FAP: variants seen among roughly 807,000 people sequenced by gnomAD.
FAP encodes fibroblast activation protein alpha.
FAP carries 110 observed loss-of-function variants against 126.5 expected under a neutral mutation model. The observed-to-expected ratio is 0.87, with a 90% CI of 0.74 to 1.02. The LOEUF (loss-of-function observed/expected upper bound fraction) is 1.02, where lower values mean the gene tolerates loss of function less well. FAP is among the 50% of genes least tolerant of loss of function. The probability of loss-of-function intolerance (pLI) is 0.00; values close to 1 mark genes in which losing one functional copy is unlikely to be tolerated. For synonymous variants in FAP, 334 were observed against 297.3 expected (o/e 1.12, Z -1.27); for missense variants, 919 against 909.2 (o/e 1.01, Z -0.14).
intron 2 of FAP, among the ~76,000 whole-genome samples, chr2:162,235,343 G>C (rs1455433516): frequency 6.6e-6 from 1 of 152,242 alleles, no homozygotes; most frequent in Non-Finnish European, 1.5e-5. Context: ...TGCGGCTCCG[G>C]TGCGAGATCC....
intron 20 of FAP, among the ~76,000 whole-genome samples, chr2:162,185,470 T>A (rs1009937932): frequency 7.2e-5 from 11 of 151,816 alleles, no homozygotes; most frequent in African/African-American, 2.7e-4. Context: ...GTTTTAAGGG[T>A]CTCACATATG....
rs2106232558 is a variant in FAP at position 162,193,256 on chromosome 2, A to G, written c.1450+1445T>C. ...ATAACTTAAGACGTACCACATTAAA[A>G]TCTTTGGGGAAGTCCTGGGAATCCG... On this transcript the variant is annotated intron_variant, in intron 17 of 25. Transcript: ENST00000188790. 1.3e-5 allele frequency among the ~76,000 whole-genome samples: 2 copies of G among 152,326 alleles called. 1 individual carries two copies. Among genetic ancestry groups the G allele is most frequent in the South Asian group, 4.1e-4 (2 of 4,834 alleles).
chr2:162,219,930 A>G lies in FAP; in HGVS notation c.414-5T>C. 6.2e-7 allele frequency: 1 copy of G among 1,602,166 alleles called. No homozygotes were observed. Among genetic ancestry groups the G allele is most frequent in the Non-Finnish European group, 8.5e-7 (1 of 1,170,024 alleles). On this transcript the variant is annotated splice_region_variant and splice_polypyrimidine_tract_variant and intron_variant, in intron 6 of 25. Coordinates refer to ENST00000188790, the MANE Select transcript of FAP (RefSeq NM_004460.5). ...TCATTTCCTCTTACAAATTCTCTAG[A>G]AGGAAAGAAAGAAAGAAAAACAACA...
rs1687994431 is a variant in FAP, at chr2:162,190,361, T to C, written c.1451-607A>G. The stretch of plus-strand genomic sequence containing the variant: ...CAGATCCTTTCTCTCAAGGTAGTGA[T>C]ATATCTGAGTAAGACAACAATATAT... On this transcript the variant is annotated intron_variant, in intron 17 of 25. Coordinates refer to ENST00000188790, the MANE Select transcript of FAP (RefSeq NM_004460.5). Among the ~76,000 whole-genome samples, 2 of 152,078 alleles carry C rather than the reference T, an allele frequency of 1.3e-5. 1 individual carries two copies. The highest frequency in any genetic ancestry group is 4.1e-4 in the South Asian group (2 of 4,824).
rs1422499529 is a variant in FAP, at chr2:162,190,411, C to T, written c.1451-657G>A. Among the ~76,000 whole-genome samples the T allele has an allele frequency of 2.0e-5, 3 of 152,038 alleles. No individual in the cohort carries two copies. In the South Asian group the frequency reaches 6.2e-4, roughly 31 times the overall value. ...TATTGTGTATACACACACACACACA[C>T]ACAAACACACACTATGCTCTTTCTC... On this transcript the variant is annotated intron_variant, in intron 17 of 25. Coordinates refer to ENST00000188790, the MANE Select transcript of FAP (RefSeq NM_004460.5).
chr2:162,198,188 C>A (rs969473784), intron 16 of FAP: 11 of 1,287,534 alleles, frequency 8.5e-6, no homozygotes, highest in Admixed American at 4.6e-5. Context: ...CGATGTTTTC[C>A]AAATTTAGAA....
intron 12 of FAP, among the ~76,000 whole-genome samples, chr2:162,206,685 C>G (rs562167243): frequency 1.3e-5 from 2 of 152,290 alleles, no homozygotes; most frequent in East Asian, 3.9e-4. Flanking sequence ...TTGATTAACT[C>G]TTCACTTTTC....
At chr2:162,205,353 G>T (rs1688663258) in intron 12 of FAP, among the ~76,000 whole-genome samples, 2 of 151,944 alleles carry the variant, frequency 1.3e-5, no homozygotes, top group African/African-American at 4.8e-5. Context: ...ATAACCAAGA[G>T]GCCCAGGAAT....
chr2:162,223,223 A>G (rs938731170), intron 6 of FAP, among the ~76,000 whole-genome samples: 5 of 152,202 alleles, frequency 3.3e-5, no homozygotes, highest in African/African-American at 9.6e-5. Context: ...CTAATGCTAC[A>G]TCTCTCTCCC....
chr2:162,210,087 T>C, intron 11 of FAP, 91 bp from the exon 12 acceptor site: 2 of 1,078,210 alleles, frequency 1.9e-6, no homozygotes, highest in Non-Finnish European at 2.8e-6. Flanking sequence ...TTAAGCTGCC[T>C]GATCAGAGTA....
intron 21 of FAP, among the ~76,000 whole-genome samples, chr2:162,179,564 C>A (rs1156644594): frequency 6.6e-6 from 1 of 151,994 alleles, no homozygotes; most frequent in Non-Finnish European, 1.5e-5. Flanking sequence ...ACAGACAAGA[C>A]ACAACATGGT....
At chr2:162,198,904 C>T (rs752402040) in intron 15 of FAP, 23 bp from the exon 16 acceptor site, 1 of 1,609,942 alleles carries the variant, frequency 6.2e-7, no homozygotes, top group Non-Finnish European at 8.5e-7. Context: ...GAAAATAAAA[C>T]TAAGCTGAAA....
chr2:162,226,454 T>C (rs1689651165), intron 3 of FAP, 69 bp downstream of exon 3: 2 of 710,274 alleles, frequency 2.8e-6, no homozygotes, highest in East Asian at 5.3e-5. Flanking sequence ...TATAGAGATG[T>C]ATTGGCACTA....
intron 21 of FAP, among the ~76,000 whole-genome samples, chr2:162,180,690 C>A (rs998854320): frequency 6.6e-6 from 1 of 152,046 alleles, no homozygotes; most frequent in African/African-American, 2.4e-5. Flanking sequence ...TCTCAGATTT[C>A]GAATTTGGGT....
chr2:162,173,111 C>T (rs1340629428), intron 24 of FAP, 38 bp downstream of exon 24: 1 of 1,553,496 alleles, frequency 6.4e-7, no homozygotes, highest in African/African-American at 1.4e-5. Context: ...GATGCTGGCT[C>T]AGTATTTTTA....
At chr2:162,176,072 G>A (rs1334393311) in intron 21 of FAP, 2 of 151,972 alleles carry the variant, frequency 1.3e-5, no homozygotes, top group Admixed American at 6.6e-5. Flanking sequence ...CAGATTTCTG[G>A]GAATCACTTC....
At chr2:162,221,745 G>C (rs1689410175) in intron 6 of FAP, 1 of 456,492 alleles carries the variant, frequency 2.2e-6, no homozygotes, top group Non-Finnish European at 4.4e-6. Flanking sequence ...TATGAGAAAA[G>C]GCGAGGGAGG....
chr2:162,216,070 A>G, intron 9 of FAP, 69 bp from the exon 10 acceptor site: 1 of 1,118,182 alleles, frequency 8.9e-7, no homozygotes, highest in Non-Finnish European at 1.3e-6. Flanking sequence ...AAGAAACTTT[A>G]GGAATTTAGA....
At chr2:162,242,485 C>T (rs1035825854) in intron 2 of FAP, among the ~76,000 whole-genome samples, 1 of 152,102 alleles carries the variant, frequency 6.6e-6, no homozygotes, top group African/African-American at 2.4e-5. Context: ...TTTGGAAAGA[C>T]TATTTAGTAA....
Sources: gnomAD v4.1 joint callset for allele counts (sites outside exome capture counted in the v4.1 genomes callset) on GRCh38, gnomAD v4.1.1 for gene constraint, MANE v1.5 for transcripts, NCBI Gene and HGNC (gene_info 2026-07-23, HGNC 2026-07-21) for gene names.